The following AGBL4 variants were observed in gnomAD, a reference collection of about 807,000 sequenced individuals.
The protein encoded by AGBL4 is AGBL carboxypeptidase 4, also known as cytosolic carboxypeptidase 6.
Under a neutral mutation model 66.4 loss-of-function variants are expected in AGBL4, and 58 were observed. That is an observed-to-expected ratio of 0.87 (90% CI 0.71 to 1.09). The LOEUF is 1.09. AGBL4 is among the 50% of genes least tolerant of loss of function. The pLI is 0.00. For missense variants in AGBL4, 579 were observed against 631.0 expected (o/e 0.92, Z 0.88); for synonymous variants, 234 against 222.9 (o/e 1.05, Z -0.44).
At chr1:49,486,413 G>A (rs576250294) in intron 3 of AGBL4, among the ~76,000 whole-genome samples, 24 of 151,978 alleles carry the variant, frequency 1.6e-4, no homozygotes, top group African/African-American at 5.5e-4. Context: ...ATTCCACAAA[G>A]AATCTTAAAA....
At chr1:49,758,270 G>A (rs974506364) in intron 2 of AGBL4, among the ~76,000 whole-genome samples, 1 of 152,200 alleles carries the variant, frequency 6.6e-6, no homozygotes, top group African/African-American at 2.4e-5. Flanking sequence ...AACTTTTGCT[G>A]TGGGTAGGGA....
intron 1 of AGBL4, among the ~76,000 whole-genome samples, chr1:49,911,115 T>C (rs564822438): frequency 6.6e-6 from 1 of 152,276 alleles, no homozygotes; most frequent in East Asian, 1.9e-4. Flanking sequence ...TGATAAACCA[T>C]GAGTTCCAGA....
At chr1:48,882,314 T>C (rs1354975275) in intron 5 of AGBL4, among the ~76,000 whole-genome samples, 3 of 152,246 alleles carry the variant, frequency 2.0e-5, no homozygotes, top group African/African-American at 4.8e-5. Flanking sequence ...TATACAGTGC[T>C]TTCCTATTTC....
intron 4 of AGBL4, among the ~76,000 whole-genome samples, chr1:49,133,175 G>A (rs866083410): frequency 2.0e-5 from 3 of 152,312 alleles, no homozygotes; most frequent in East Asian, 1.9e-4. Flanking sequence ...ACTCATAAGT[G>A]GGAGTTGAAC....
At chr1:49,015,841 C>T (rs998705451) in intron 5 of AGBL4, among the ~76,000 whole-genome samples, 1 of 151,944 alleles carries the variant, frequency 6.6e-6, no homozygotes, top group Admixed American at 6.6e-5. Context: ...AAGAAAGAAA[C>T]CCGAGTCTTC....
chr1:49,942,361 T>A (rs140744290), intron 1 of AGBL4, among the ~76,000 whole-genome samples: 133 of 152,022 alleles, frequency 8.7e-4, no homozygotes, highest in African/African-American at 3.1e-3. Context: ...TGGAACCACA[T>A]AAGACATCAA....
At chr1:49,331,475 C>T (rs150766899) in intron 3 of AGBL4, among the ~76,000 whole-genome samples, 162 of 152,206 alleles carry the variant, frequency 1.1e-3, no homozygotes, top group African/African-American at 3.8e-3. Context: ...TTTGGAGAGT[C>T]CAAATAGTAC....
At chr1:48,689,498 T>TCTTCC (rs1486134999) in intron 6 of AGBL4, among the ~76,000 whole-genome samples, 17 of 145,146 alleles carry the variant, frequency 1.2e-4, no homozygotes, top group Admixed American at 1.2e-3. Flanking sequence ...CTTCTGTCCT[T>TCTTCC]CTTCCCTTCC....
chr1:49,654,657 G>A (rs1049396590), intron 3 of AGBL4, among the ~76,000 whole-genome samples: 1 of 152,154 alleles, frequency 6.6e-6, no homozygotes, highest in Admixed American at 6.5e-5. Flanking sequence ...TTGTTGAATT[G>A]ATCGCTTTAT....
At chr1:49,111,648 T>G (rs1345342059) in intron 4 of AGBL4, among the ~76,000 whole-genome samples, 1 of 152,242 alleles carries the variant, frequency 6.6e-6, no homozygotes, top group East Asian at 1.9e-4. Flanking sequence ...ATCACAGTTT[T>G]AAATTATATA....
chr1:49,619,338 G>A (rs1645311783), intron 3 of AGBL4, among the ~76,000 whole-genome samples: 2 of 152,080 alleles, frequency 1.3e-5, no homozygotes, highest in Non-Finnish European at 2.9e-5. Context: ...GGCAAACAGA[G>A]AGCCAAATCA....
intron 4 of AGBL4, among the ~76,000 whole-genome samples, chr1:49,139,708 C>A (rs1436734480): frequency 6.6e-6 from 1 of 152,152 alleles, no homozygotes; most frequent in African/African-American, 2.4e-5. Flanking sequence ...AACAATAATA[C>A]TGTTCGTCCT....
chr1:48,592,641 G>A (rs1644935841), intron 9 of AGBL4, among the ~76,000 whole-genome samples: 1 of 152,124 alleles, frequency 6.6e-6, no homozygotes, highest in African/African-American at 2.4e-5. Flanking sequence ...TTGATGAGCT[G>A]CACAGGAAAG....
chr1:48,794,815 G>A (rs1415707938), intron 6 of AGBL4, among the ~76,000 whole-genome samples: 3 of 152,104 alleles, frequency 2.0e-5, no homozygotes, highest in Non-Finnish European at 4.4e-5. Flanking sequence ...ACCTAGTGCA[G>A]ACTTCTATTC....
intron 8 of AGBL4, chr1:48,647,471 A>G (rs1333122202): frequency 7.3e-6 from 2 of 274,822 alleles, no homozygotes; most frequent in Non-Finnish European, 1.5e-5. Context: ...GTCATTAAAT[A>G]CCAGTTATTC....
chr1:49,999,284 C>G (rs539396627), intron 1 of AGBL4, among the ~76,000 whole-genome samples: 4 of 150,398 alleles, frequency 2.7e-5, no homozygotes, highest in African/African-American at 7.3e-5. Context: ...ACACCAACAG[C>G]AAGCAGGCTG....
chr1:49,064,531 G>A (rs1644458630), intron 4 of AGBL4, among the ~76,000 whole-genome samples: 1 of 152,094 alleles, frequency 6.6e-6, no homozygotes, highest in Non-Finnish European at 1.5e-5. Flanking sequence ...TCACCCTCAG[G>A]TCTAGGTCTC....
intron 3 of AGBL4, among the ~76,000 whole-genome samples, chr1:49,250,944 G>A (rs1469179935): frequency 1.3e-5 from 2 of 152,148 alleles, no homozygotes; most frequent in African/African-American, 2.4e-5. Flanking sequence ...ATCTGTAGTG[G>A]AGCACCGCCA....
chr1:48,892,114 A>G (rs1651032234), intron 5 of AGBL4, among the ~76,000 whole-genome samples: 2 of 152,168 alleles, frequency 1.3e-5, no homozygotes, highest in Non-Finnish European at 2.9e-5. Flanking sequence ...GAGTAATCTC[A>G]GAGGCAATAA....
Sources: gnomAD v4.1 joint callset for allele counts (sites outside exome capture counted in the v4.1 genomes callset) on GRCh38, gnomAD v4.1.1 for gene constraint, MANE v1.5 for transcripts, NCBI Gene and HGNC (gene_info 2026-07-23, HGNC 2026-07-21) for gene names.